Variants in SHISA9 observed in about 807,000 individuals in gnomAD.
The protein encoded by SHISA9 is shisa family member 9, also known as protein shisa-9.
In SHISA9, 13 loss-of-function variants were observed where a neutral mutation model predicts 38.0. The observed-to-expected ratio is 0.34, with a 90% CI of 0.22 to 0.54. SHISA9 has a LOEUF of 0.54. Ranked by LOEUF, SHISA9 falls within the 20% of genes least tolerant of loss-of-function variation. The pLI, the probability that SHISA9 is intolerant of heterozygous loss-of-function variation, is 0.91. For synonymous variants in SHISA9, 275 were observed against 242.0 expected (o/e 1.14, Z -1.27); for missense variants, 538 against 575.8 (o/e 0.93, Z 0.67).
intron 2 of SHISA9, among the ~76,000 whole-genome samples, chr16:13,077,237 CT>C (rs1165867572): frequency 1.3e-5 from 2 of 150,072 alleles, no homozygotes; most frequent in Non-Finnish European, 2.9e-5. Flanking sequence ...TCTTCTTCTT[CT>C]TCTTCTTTTT....
intron 2 of SHISA9, among the ~76,000 whole-genome samples, chr16:13,002,409 A>G (rs1362554056): frequency 2.6e-5 from 4 of 152,164 alleles, no homozygotes; most frequent in Non-Finnish European, 5.9e-5. Flanking sequence ...CTCGTTGTCC[A>G]CAAGCGACGG....
At chr16:13,371,646 GTCCCTTCATGATGAAGAACCT>G in the SHISA9 span, among the ~76,000 whole-genome samples, 1 of 152,212 alleles carries the variant, frequency 6.6e-6, no homozygotes, top group Admixed American at 6.5e-5. Flanking sequence ...GATTAGCGAT[GTCCCTTCATGATGAAGAACCT>G]TCCCCTCACC....
chr16:13,092,483 C>A (rs546121995), intron 2 of SHISA9, among the ~76,000 whole-genome samples: 1 of 152,198 alleles, frequency 6.6e-6, no homozygotes, highest in South Asian at 2.1e-4. Context: ...CCGTCCAGTT[C>A]GAGCTTCCTG....
At chr16:12,931,390 G>A (rs1339158942) in intron 2 of SHISA9, among the ~76,000 whole-genome samples, 2 of 152,170 alleles carry the variant, frequency 1.3e-5, no homozygotes, top group South Asian at 2.1e-4. Context: ...CCCAGGTGGT[G>A]AGCATAGTGC....
chr16:13,341,200 G>A, the SHISA9 span, among the ~76,000 whole-genome samples: 2 of 152,160 alleles, frequency 1.3e-5, no homozygotes, highest in East Asian at 1.9e-4. Flanking sequence ...AGAAGAATCA[G>A]GGATGTGTAG....
chr16:12,963,976 A>G (rs2071945279), intron 2 of SHISA9, among the ~76,000 whole-genome samples: 1 of 152,220 alleles, frequency 6.6e-6, no homozygotes, highest in Non-Finnish European at 1.5e-5. Flanking sequence ...TCATAGCCTC[A>G]TAATTAAGTA....
chr16:13,200,484 A>G (rs369760905), intron 2 of SHISA9, among the ~76,000 whole-genome samples: 89 of 151,976 alleles, frequency 5.9e-4, no homozygotes, highest in African/African-American at 2.0e-3. Flanking sequence ...AGAACTTAAC[A>G]GTAAGCCATT....
At chr16:13,430,120 GA>G in the SHISA9 span, among the ~76,000 whole-genome samples, 1 of 152,120 alleles carries the variant, frequency 6.6e-6, no homozygotes, top group Non-Finnish European at 1.5e-5. Flanking sequence ...AAAGAACTCA[GA>G]AAAAAATAAC....
chr16:13,321,391 T>G, the SHISA9 span, among the ~76,000 whole-genome samples: 1 of 152,232 alleles, frequency 6.6e-6, no homozygotes, highest in Non-Finnish European at 1.5e-5. Context: ...CTCTCTTTCA[T>G]CTTCCTGCCA....
the SHISA9 span, among the ~76,000 whole-genome samples, chr16:13,505,742 C>G: frequency 6.6e-6 from 1 of 152,160 alleles, no homozygotes; most frequent in Admixed American, 6.5e-5. Flanking sequence ...CTCATGAGGT[C>G]AAGAGGCTTC....
intron 2 of SHISA9, among the ~76,000 whole-genome samples, chr16:13,051,723 C>T (rs573284683): frequency 1.4e-4 from 22 of 152,158 alleles, no homozygotes; most frequent in African/African-American, 5.1e-4. Context: ...GCCCAATTTG[C>T]TTTCAATTAC....
At chr16:13,166,618 C>T (rs1458319847) in intron 2 of SHISA9, among the ~76,000 whole-genome samples, 3 of 152,180 alleles carry the variant, frequency 2.0e-5, no homozygotes, top group Non-Finnish European at 4.4e-5. Flanking sequence ...TTGAATGTCA[C>T]CACCATGAGG....
At chr16:13,561,315 G>C in the SHISA9 span, among the ~76,000 whole-genome samples, 3 of 152,056 alleles carry the variant, frequency 2.0e-5, no homozygotes, top group African/African-American at 7.3e-5. Flanking sequence ...CTCCCGACAA[G>C]GCACTCTGCA....
At chr16:13,160,064 G>A (rs2050581798) in intron 2 of SHISA9, among the ~76,000 whole-genome samples, 1 of 152,214 alleles carries the variant, frequency 6.6e-6, no homozygotes, top group Non-Finnish European at 1.5e-5. Flanking sequence ...CTGAAACAAT[G>A]AAGTCAGGGA....
chr16:13,341,543 A>G, the SHISA9 span, among the ~76,000 whole-genome samples: 2 of 152,284 alleles, frequency 1.3e-5, no homozygotes, highest in African/African-American at 4.8e-5. Flanking sequence ...AACATAAAAG[A>G]TGTCTATAGT....
At chr16:13,189,786 T>G (rs966975550) in intron 2 of SHISA9, among the ~76,000 whole-genome samples, 33 of 152,226 alleles carry the variant, frequency 2.2e-4, no homozygotes, top group African/African-American at 7.7e-4. Context: ...CAATTTATCC[T>G]AACGAGCTTG....
chr16:13,075,580 A>G (rs1254740605), intron 2 of SHISA9, among the ~76,000 whole-genome samples: 1 of 152,084 alleles, frequency 6.6e-6, no homozygotes, highest in Non-Finnish European at 1.5e-5. Flanking sequence ...ACTCAACCTA[A>G]GGCTTTCTGG....
chr16:13,386,587 T>C, the SHISA9 span, among the ~76,000 whole-genome samples: 3 of 152,236 alleles, frequency 2.0e-5, no homozygotes, highest in Non-Finnish European at 4.4e-5. Context: ...GTCTGGCACG[T>C]ACTAAATTCT....
chr16:12,918,335 G>A (rs1019138531), intron 2 of SHISA9, among the ~76,000 whole-genome samples: 1 of 152,138 alleles, frequency 6.6e-6, no homozygotes. Context: ...CCCAGACATC[G>A]TATACAAATG....
Sources: gnomAD v4.1 joint callset for allele counts (sites outside exome capture counted in the v4.1 genomes callset) on GRCh38, gnomAD v4.1.1 for gene constraint, MANE v1.5 for transcripts, NCBI Gene and HGNC (gene_info 2026-07-23, HGNC 2026-07-21) for gene names.